Variants in NCOR2 observed in about 807,000 individuals in gnomAD.
NCOR2 encodes CTG repeat protein 26.
Under a neutral mutation model 262.9 loss-of-function variants are expected in NCOR2, and 81 were observed. That is an observed-to-expected ratio of 0.31 (90% CI 0.26 to 0.37). The LOEUF (loss-of-function observed/expected upper bound fraction) is 0.37. Ranked by LOEUF, NCOR2 falls within the 10% of genes least tolerant of loss-of-function variation. The pLI is 1.00. For missense variants in NCOR2, 3,385 were observed against 3,621.4 expected (o/e 0.93, Z 1.68); for synonymous variants, 1,659 against 1,559.3 (o/e 1.06, Z -1.51).
chr12:124,325,377 G>GCTCC (rs1555297216), exon 47 of NCOR2: 10 of 251,142 alleles, frequency 4.0e-5, no homozygotes, highest in African/African-American at 2.6e-4. Flanking sequence ...ACCTGACACC[G>GCTCC]CCCCCCCCCC....
chr12:124,364,959 G>C (rs1012845617), intron 20 of NCOR2, among the ~76,000 whole-genome samples: 2 of 150,116 alleles, frequency 1.3e-5, no homozygotes, highest in Non-Finnish European at 3.0e-5. Context: ...GTGTTTGCGG[G>C]TATGGAGGTG....
At chr12:124,397,882 C>T (rs985703369) in intron 16 of NCOR2, among the ~76,000 whole-genome samples, 11 of 152,378 alleles carry the variant, frequency 7.2e-5, no homozygotes, top group African/African-American at 2.6e-4. Flanking sequence ...CTCTGAGCTG[C>T]GCCCTCAAGT....
chr12:124,491,403 CG>C (rs1424037012), intron 1 of NCOR2, among the ~76,000 whole-genome samples: 1 of 151,750 alleles, frequency 6.6e-6, no homozygotes, highest in Non-Finnish European at 1.5e-5. Flanking sequence ...AACTGAGGCA[CG>C]GGACGGTAAG....
At chr12:124,368,298 A>G (rs2039203501) in intron 20 of NCOR2, among the ~76,000 whole-genome samples, 1 of 152,116 alleles carries the variant, frequency 6.6e-6, no homozygotes, top group African/African-American at 2.4e-5. Flanking sequence ...GAGGGGGAAT[A>G]AGGGCCTGGG....
At chr12:124,398,359 C>A (rs1425301796) in intron 15 of NCOR2, among the ~76,000 whole-genome samples, 178 bp from the exon 18 acceptor site, 1 of 152,258 alleles carries the variant, frequency 6.6e-6, no homozygotes, top group Non-Finnish European at 1.5e-5. Context: ...CAGTACCCAC[C>A]GTGGCACCTG....
intron 37 of NCOR2, 139 bp downstream of exon 39, chr12:124,339,867 G>T: frequency 1.9e-6 from 2 of 1,066,020 alleles, no homozygotes; most frequent in Non-Finnish European, 1.3e-6. Flanking sequence ...CTCACACATA[G>T]TCTATTCTTC....
intron 22 of NCOR2, among the ~76,000 whole-genome samples, chr12:124,359,545 C>T (rs2038344186): frequency 6.6e-6 from 1 of 152,328 alleles, no homozygotes; most frequent in Non-Finnish European, 1.5e-5. Context: ...TTAACCAGTC[C>T]CCAGTGGAGG....
chr12:124,546,329 G>A (rs989831710), intron 1 of NCOR2, among the ~76,000 whole-genome samples: 1 of 152,220 alleles, frequency 6.6e-6, no homozygotes, highest in African/African-American at 2.4e-5. Context: ...GCTTAGCCAC[G>A]GCAGCTTTCC....
chr12:124,455,394 G>A (rs918623008), intron 6 of NCOR2, among the ~76,000 whole-genome samples: 5 of 152,226 alleles, frequency 3.3e-5, no homozygotes, highest in South Asian at 2.1e-4. Context: ...GTGCCTGGAG[G>A]GGGCAGAGCC....
At chr12:124,480,432 G>C (rs1050073606) in intron 3 of NCOR2, among the ~76,000 whole-genome samples, 1 of 152,182 alleles carries the variant, frequency 6.6e-6, no homozygotes. Context: ...CACTGCCTGC[G>C]ATTCCCCCAC....
chr12:124,425,363 A>G (rs2043471243), intron 11 of NCOR2, among the ~76,000 whole-genome samples: 1 of 152,078 alleles, frequency 6.6e-6, no homozygotes, highest in Admixed American at 6.5e-5. Context: ...AACAGAACGA[A>G]ACTCTGTCTT....
chr12:124,387,675 G>A (rs2040919196), intron 16 of NCOR2, among the ~76,000 whole-genome samples: 1 of 152,244 alleles, frequency 6.6e-6, no homozygotes, highest in Admixed American at 6.5e-5. Flanking sequence ...GGAGGGCCGG[G>A]GCGTGGGATC....
chr12:124,546,112 C>T (rs866933495), intron 1 of NCOR2, among the ~76,000 whole-genome samples: 2 of 152,136 alleles, frequency 1.3e-5, no homozygotes, highest in Admixed American at 1.3e-4. Context: ...GTCTGAGACC[C>T]GGGTTCAAAA....
At chr12:124,419,368 G>A (rs916050319) in intron 13 of NCOR2, among the ~76,000 whole-genome samples, 1 of 152,166 alleles carries the variant, frequency 6.6e-6, no homozygotes, top group Non-Finnish European at 1.5e-5. Flanking sequence ...GCATGGCTGT[G>A]TTCCAATAAA....
intron 1 of NCOR2, among the ~76,000 whole-genome samples, chr12:124,551,250 C>T (rs754146570): frequency 2.0e-5 from 3 of 152,162 alleles, no homozygotes; most frequent in African/African-American, 4.8e-5. Flanking sequence ...CTTGTCTAGC[C>T]GAGAAAACGA....
chr12:124,550,581 T>C (rs1263838080), intron 1 of NCOR2, among the ~76,000 whole-genome samples: 1 of 152,170 alleles, frequency 6.6e-6, no homozygotes, highest in East Asian at 1.9e-4. Context: ...AGTCTCTCTC[T>C]GGGGGGTAGG....
intron 1 of NCOR2, among the ~76,000 whole-genome samples, chr12:124,489,837 CG>C (rs932603377): frequency 6.6e-6 from 1 of 152,032 alleles, no homozygotes; most frequent in South Asian, 2.1e-4. Flanking sequence ...GGGCTAGATG[CG>C]GGGGGATGTT....
At chr12:124,365,613 G>A (rs963340608) in intron 20 of NCOR2, among the ~76,000 whole-genome samples, 1 of 152,174 alleles carries the variant, frequency 6.6e-6, no homozygotes, top group East Asian at 1.9e-4. Flanking sequence ...ACACAGACTC[G>A]GTGATGCCTG....
At chr12:124,500,662 C>T (rs373343903) in intron 1 of NCOR2, among the ~76,000 whole-genome samples, 1 of 152,144 alleles carries the variant, frequency 6.6e-6, no homozygotes, top group Admixed American at 6.5e-5. Context: ...CGGGCAGAGG[C>T]GCCTTTCCGG....
Sources: gnomAD v4.1 joint callset for allele counts (sites outside exome capture counted in the v4.1 genomes callset) on GRCh38, gnomAD v4.1.1 for gene constraint, MANE v1.5 for transcripts, NCBI Gene and HGNC (gene_info 2026-07-23, HGNC 2026-07-21) for gene names.